PSPC1: variants seen among roughly 807,000 people sequenced by gnomAD.
PSPC1 encodes the protein paraspeckle component 1.
Under a neutral mutation model 51.6 loss-of-function variants are expected in PSPC1, and 14 were observed. That is an observed-to-expected ratio of 0.27 (90% CI 0.18 to 0.42). The LOEUF is 0.42. PSPC1 is among the 10% of genes least tolerant of loss of function. PSPC1 has a pLI of 1.00. For synonymous variants in PSPC1, 193 were observed against 231.9 expected (o/e 0.83, Z 1.53); for missense variants, 406 against 701.1 (o/e 0.58, Z 4.75).
At chr13:19,673,259 A>T, downstream of PSPC1, 1 of 401,480 alleles carries the variant, frequency 2.5e-6, no homozygotes, top group South Asian at 1.8e-5. Flanking sequence ...AATCAAGCTC[A>T]GTCTGGGTTA....
At chr13:19,715,906 C>G (rs978396829) in intron 6 of PSPC1, among the ~76,000 whole-genome samples, 1 of 151,832 alleles carries the variant, frequency 6.6e-6, no homozygotes, top group South Asian at 2.1e-4. Context: ...CCCAGCTACT[C>G]GGGAGGCTGA....
At chr13:19,681,797 A>T (rs1356049750) in intron 6 of PSPC1, among the ~76,000 whole-genome samples, 2 of 152,208 alleles carry the variant, frequency 1.3e-5, no homozygotes, top group Non-Finnish European at 2.9e-5. Context: ...TGCCTTCATG[A>T]CAAAGGCACA....
chr13:19,773,532 C>T (rs1888813992), intron 1 of PSPC1, among the ~76,000 whole-genome samples: 1 of 152,070 alleles, frequency 6.6e-6, no homozygotes, highest in Non-Finnish European at 1.5e-5. Context: ...GCCACCGCAC[C>T]CGGCCTGTTT....
In PSPC1 at chr13:19,764,682, TAAA is replaced by T. The variant is rs68143550; in HGVS notation, c.675-5267_675-5265del. Among the ~76,000 whole-genome samples the T allele has an allele frequency of 5.0e-4, 39 of 78,282 alleles. 2 individuals are homozygous for T. The South Asian group carries it at 0.023, about 47-fold the overall frequency. The allele number at this position is 78,282 out of a possible 152,430, so 51.4% of individuals were successfully genotyped here. On this transcript the variant is annotated intron_variant, in intron 2 of 8. Coordinates refer to ENST00000338910, the MANE Select transcript of PSPC1 (RefSeq NM_001354909.2). Reference sequence around the variant, plus strand: ...ACCTGGGTAAGAGCAGAACTTGCCTTAAAAAAAAAAAAAAAAAAAGGTGGCTTA... The same window carrying T: ...ACCTGGGTAAGAGCAGAACTTGCCTTAAAAAAAAAAAAAAAAGGTGGCTTA...
At chr13:19,676,975 C>T (rs900146647) in intron 7 of PSPC1, among the ~76,000 whole-genome samples, 3 of 152,216 alleles carry the variant, frequency 2.0e-5, no homozygotes, top group Non-Finnish European at 2.9e-5. Context: ...TGGCTCACGC[C>T]TCTAATCCCA....
Position 19,716,643 on chromosome 13 carries a change from A to G in PSPC1, c.1159-7044T>C, listed in dbSNP as rs1297506495. Reference sequence around the variant, plus strand: ...CGAAAATGCTAAAATAATGTAGAACATTTAAATCCACTAAAAAATATATAA... The same window carrying G: ...CGAAAATGCTAAAATAATGTAGAACGTTTAAATCCACTAAAAAATATATAA... On this transcript the variant is annotated intron_variant, in intron 6 of 8. Transcript: ENST00000338910. Among the ~76,000 whole-genome samples, 6 of 152,226 alleles carry G rather than the reference A, an allele frequency of 3.9e-5. No individual in the cohort carries two copies. In the East Asian group the frequency reaches 1.2e-3, roughly 29 times the overall value.
chr13:19,738,863 G>A (rs1339673651), intron 5 of PSPC1, among the ~76,000 whole-genome samples: 8 of 149,494 alleles, frequency 5.4e-5, no homozygotes, highest in East Asian at 2.0e-4. Flanking sequence ...CCGAGATTGC[G>A]CCACTGCACT....
At chr13:19,739,162 C>G (rs1031483735) in intron 5 of PSPC1, among the ~76,000 whole-genome samples, 3 of 152,140 alleles carry the variant, frequency 2.0e-5, no homozygotes, top group African/African-American at 7.2e-5. Flanking sequence ...GATATCCAGT[C>G]AACACACTAT....
At chr13:19,682,016 A>G (rs973006941) in intron 6 of PSPC1, among the ~76,000 whole-genome samples, 6 of 152,354 alleles carry the variant, frequency 3.9e-5, no homozygotes, top group African/African-American at 1.4e-4. Flanking sequence ...CAAAAGAATA[A>G]GGCAAAAAAT....
chr13:19,763,226 G>A lies in PSPC1; in HGVS notation c.675-3808C>T, dbSNP rs554185162. 3.3e-5 allele frequency among the ~76,000 whole-genome samples: 5 copies of A among 152,188 alleles called. No individual in the cohort carries two copies. The South Asian group carries it at 1.0e-3, about 32-fold the overall frequency. ...GCTGGAGTGCAGTGGGGCGATCACA[G>A]CTCACTGCAGCCTCAACCTCCTGGG... On this transcript the variant is annotated intron_variant, in intron 2 of 8. Transcript: ENST00000338910.
chr13:19,717,863 G>T (rs1351172400), intron 6 of PSPC1, among the ~76,000 whole-genome samples: 1 of 146,248 alleles, frequency 6.8e-6, no homozygotes, highest in Non-Finnish European at 1.5e-5. Context: ...GCGACAGAGG[G>T]AGACTCCACT....
intron 7 of PSPC1, among the ~76,000 whole-genome samples, chr13:19,707,242 CTATGGG>C (rs1447703574): frequency 6.6e-6 from 1 of 152,032 alleles, no homozygotes; most frequent in Non-Finnish European, 1.5e-5. Flanking sequence ...AACTATACAA[CTATGGG>C]TATAAAAAAT....
At chr13:19,688,284 C>T (rs1878161466) in intron 6 of PSPC1, among the ~76,000 whole-genome samples, 1 of 152,102 alleles carries the variant, frequency 6.6e-6, no homozygotes, top group Admixed American at 6.5e-5. Flanking sequence ...AGCACTACTA[C>T]TGAACTGTAC....
At chr13:19,712,537 G>A (rs1881575597) in intron 6 of PSPC1, among the ~76,000 whole-genome samples, 2 of 152,196 alleles carry the variant, frequency 1.3e-5, no homozygotes, top group Admixed American at 6.5e-5. Flanking sequence ...CACGGGAAAT[G>A]TATCAATGTA....
chr13:19,752,062 A>C (rs1435092649), intron 3 of PSPC1, among the ~76,000 whole-genome samples: 2 of 152,188 alleles, frequency 1.3e-5, no homozygotes, highest in Non-Finnish European at 2.9e-5. Context: ...CGTCCCAAAA[A>C]AAAGAAATAT....
intron 2 of PSPC1, among the ~76,000 whole-genome samples, chr13:19,764,905 T>C (rs1887917258): frequency 6.6e-6 from 1 of 151,634 alleles, no homozygotes; most frequent in East Asian, 1.9e-4. Flanking sequence ...AGCTAATTTT[T>C]TTATTTTTCT....
At chr13:19,697,972 T>G (rs1052842071), downstream of PSPC1, among the ~76,000 whole-genome samples, 2 of 152,030 alleles carry the variant, frequency 1.3e-5, no homozygotes, top group African/African-American at 4.8e-5. Context: ...ATAATGTAAA[T>G]AACTTGTATT....
At chr13:19,741,791 A>T in intron 4 of PSPC1, 142 bp from the exon 5 acceptor site, 1 of 506,600 alleles carries the variant, frequency 2.0e-6, no homozygotes, top group Non-Finnish European at 3.4e-6. Flanking sequence ...AATTAAATAA[A>T]TATCCTTTCT....
At chr13:19,710,112 G>C (rs1881204513) in intron 6 of PSPC1, among the ~76,000 whole-genome samples, 1 of 151,388 alleles carries the variant, frequency 6.6e-6, no homozygotes, top group African/African-American at 2.4e-5. Flanking sequence ...ATTCATTCAT[G>C]TATTTGTATT....
Sources: allele counts gnomAD v4.1 joint callset (sites outside exome capture counted in the v4.1 genomes callset), GRCh38; gene constraint gnomAD v4.1.1; transcripts MANE v1.5; gene names NCBI Gene and HGNC (gene_info 2026-07-23, HGNC 2026-07-21).